The following RASAL2 variants were observed in gnomAD, a reference collection of about 807,000 sequenced individuals.
RASAL2 encodes ras GTPase-activating protein nGAP.
A neutral mutation model predicts 128.9 loss-of-function variants in RASAL2; 58 were observed. The ratio of observed to expected loss-of-function variants is 0.45; its 90% CI spans 0.36 to 0.56. The LOEUF (loss-of-function observed/expected upper bound fraction) is 0.56. Among genes scored for constraint, RASAL2 ranks in the 20% least tolerant of loss-of-function variants. The probability of loss-of-function intolerance (pLI) is 0.00; values close to 1 mark genes in which losing one functional copy is unlikely to be tolerated. For missense variants in RASAL2, 1,360 were observed against 1,601.6 expected (o/e 0.85, Z 2.57); for synonymous variants, 561 against 580.8 (o/e 0.97, Z 0.49).
Position 178,443,127 on chromosome 1 carries a change from C to T in RASAL2, c.1380C>T (p.Tyr460=), listed in dbSNP as rs1323169230. 3 of 1,613,702 alleles carry T rather than the reference C, an allele frequency of 1.9e-6. No individual in the cohort carries two copies. The highest frequency in any genetic ancestry group is 2.5e-6 in the Non-Finnish European group (3 of 1,179,764). The part of the protein sequence containing the change: ...KEFAEFVTSN[Y]TMLCSVLEPV... The stretch of plus-strand genomic sequence containing the variant: ...TTGCAGAATTTGTCACCAGCAACTA[C>T]ACCATGCTGTGTTCTGTCCTTGAGC... The change falls in exon 8 of 18, where the codon TAC becomes TAT. Residue 460 remains tyrosine, a synonymous_variant. Coordinates refer to ENST00000367649, the MANE Select transcript of RASAL2 (RefSeq NM_170692.4).
chr1:178,463,654 A>G (rs1475395696), intron 14 of RASAL2, among the ~76,000 whole-genome samples: 2 of 152,154 alleles, frequency 1.3e-5, no homozygotes, highest in Admixed American at 1.3e-4. Context: ...AACCAGCATC[A>G]CTTGTCCTTC....
intron 14 of RASAL2, 45 bp from the exon 15 acceptor site, chr1:178,464,233 C>A: frequency 1.3e-6 from 2 of 1,555,846 alleles, no homozygotes; most frequent in South Asian, 1.2e-5. Flanking sequence ...ACATAGCACA[C>A]GGGTGAGCTG....
intron 1 of RASAL2, among the ~76,000 whole-genome samples, chr1:178,133,743 A>T (rs1660208103): frequency 6.6e-6 from 1 of 152,200 alleles, no homozygotes; most frequent in Non-Finnish European, 1.5e-5. Flanking sequence ...TGAGGTTTAA[A>T]TAAGTCAAAC....
chr1:178,171,493 A>G lies in RASAL2; in HGVS notation c.202+76799A>G, dbSNP rs1040633619. 2.6e-5 allele frequency among the ~76,000 whole-genome samples: 4 copies of G among 151,982 alleles called. No individual in the cohort carries two copies. The East Asian group carries it at 5.8e-4, about 22-fold the overall frequency. On this transcript the variant is annotated intron_variant, in intron 1 of 17. Coordinates refer to ENST00000367649, the MANE Select transcript of RASAL2 (RefSeq NM_170692.4). ...CCCTAGTAGTTAGTAGTTTTGAGGG[A>G]AAAAAGGACTAACCATTTTGAAAGT...
chr1:178,253,471 A>G (rs1486223175), intron 1 of RASAL2, among the ~76,000 whole-genome samples: 3 of 152,098 alleles, frequency 2.0e-5, no homozygotes, highest in East Asian at 3.9e-4. Context: ...TTTTGAGTCA[A>G]TTGTCTGTAT....
At chr1:178,327,222 T>C (rs1669080899) in intron 3 of RASAL2, among the ~76,000 whole-genome samples, 1 of 152,178 alleles carries the variant, frequency 6.6e-6, no homozygotes, top group African/African-American at 2.4e-5. Flanking sequence ...CTAATATTCA[T>C]TTAGATTATA....
At chr1:178,316,726 GTCA>G (rs1364055433) in intron 3 of RASAL2, among the ~76,000 whole-genome samples, 1 of 86,430 alleles carries the variant, frequency 1.2e-5, no homozygotes, top group Non-Finnish European at 2.0e-5. Flanking sequence ...ATACAATCAT[GTCA>G]TCTGCAAACA....
chr1:178,454,497 A>G lies in RASAL2; in HGVS notation c.2060A>G (p.His687Arg), dbSNP rs533457685. The G allele has an allele frequency of 1.4e-4, 226 of 1,613,700 alleles. No homozygotes were observed. The highest frequency in any genetic ancestry group is 1.8e-4 in the Non-Finnish European group (212 of 1,179,642). The change falls in exon 12 of 18, where the codon CAT becomes CGT. Residue 687 changes from histidine (H) to arginine (R), a missense_variant. Transcript: ENST00000367649. Reference sequence around the variant, plus strand: ...GCATTCATGAATGATTTTTTAGAACATGAATGGGGTGGAATGAAGCGCTTT... The same window carrying G: ...GCATTCATGAATGATTTTTTAGAACGTGAATGGGGTGGAATGAAGCGCTTT... ...YMAFMNDFLEHEWGGMKRFLL... is the reference protein window; with the variant it reads ...YMAFMNDFLEREWGGMKRFLL...
At chr1:178,273,113 A>G (rs1450646385) in intron 1 of RASAL2, among the ~76,000 whole-genome samples, 2 of 152,198 alleles carry the variant, frequency 1.3e-5, no homozygotes, top group Non-Finnish European at 2.9e-5. Flanking sequence ...CTATGTTCCC[A>G]ATAGGATTGT....
At chr1:178,388,592 T>G (rs1269666222) in intron 3 of RASAL2, among the ~76,000 whole-genome samples, 1 of 152,220 alleles carries the variant, frequency 6.6e-6, no homozygotes, top group East Asian at 1.9e-4. Flanking sequence ...TGTTCCAATT[T>G]GGCTTGTGCC....
At chr1:178,431,098 A>G (rs1220967741) in intron 5 of RASAL2, among the ~76,000 whole-genome samples, 1 of 152,036 alleles carries the variant, frequency 6.6e-6, no homozygotes, top group Non-Finnish European at 1.5e-5. Flanking sequence ...TTGAATGAAA[A>G]CTTAAAAGCA....
At chr1:178,339,875 T>A (rs1669778484) in intron 3 of RASAL2, among the ~76,000 whole-genome samples, 1 of 152,130 alleles carries the variant, frequency 6.6e-6, no homozygotes, top group Admixed American at 6.5e-5. Flanking sequence ...AAGTGAATAA[T>A]AAGAAAAATT....
intron 1 of RASAL2, among the ~76,000 whole-genome samples, chr1:178,261,486 A>G (rs1052266883): frequency 6.6e-6 from 1 of 152,198 alleles, no homozygotes; most frequent in Non-Finnish European, 1.5e-5. Context: ...TAACACAAAC[A>G]AGTTTATATA....
chr1:178,413,816 T>TA (rs1236899602), intron 4 of RASAL2, among the ~76,000 whole-genome samples: 1 of 151,872 alleles, frequency 6.6e-6, no homozygotes, highest in Non-Finnish European at 1.5e-5. Flanking sequence ...ATAGAAATTA[T>TA]AAAAAAGAAC....
intron 3 of RASAL2, among the ~76,000 whole-genome samples, chr1:178,300,589 T>TCCAGC (rs886967087): frequency 6.6e-6 from 1 of 152,176 alleles, no homozygotes; most frequent in Non-Finnish European, 1.5e-5. Context: ...CTCATAAAAG[T>TCCAGC]CATATGCTGG....
Position 178,094,336 on chromosome 1 carries a change from G to T in RASAL2, c.-157G>T. 1 of 658,638 alleles carries T rather than the reference G, an allele frequency of 1.5e-6. No individual in the cohort carries two copies. Among genetic ancestry groups the T allele is most frequent in the Non-Finnish European group, 2.4e-6 (1 of 413,040 alleles). 40.8% of individuals were successfully genotyped at this position (658,638 alleles called of 1,614,324 possible). ...ATCGCCCGAGCCTCGGGCAGTGGGC[G>T]ACGGGGAAGGAGGTGAGAGGTGTCC... On this transcript the variant is annotated 5_prime_UTR_variant, in exon 1 of 18. Transcript: ENST00000367649.
chr1:178,260,899 T>C (rs1037750699), intron 1 of RASAL2, among the ~76,000 whole-genome samples: 1 of 152,192 alleles, frequency 6.6e-6, no homozygotes, highest in Non-Finnish European at 1.5e-5. Flanking sequence ...AGTTTGTTCT[T>C]GTTATTGTAC....
chr1:178,394,717 A>G (rs1000099143), intron 4 of RASAL2, among the ~76,000 whole-genome samples: 1 of 152,204 alleles, frequency 6.6e-6, no homozygotes, highest in African/African-American at 2.4e-5. Context: ...GAATTCAGGC[A>G]CCAAAAATTA....
rs1648722514 is a variant in RASAL2 at position 178,477,057 on chromosome 1, C to T, written c.*3818C>T. ...CCCAACACACACGCTTGACACCAGA[C>T]TAGACTTGTCACAGGGCCAAACCCA... On this transcript the variant is annotated 3_prime_UTR_variant, in exon 18 of 18. Coordinates refer to ENST00000367649, the MANE Select transcript of RASAL2 (RefSeq NM_170692.4). The T allele has an allele frequency of 6.5e-6, 1 of 152,722 alleles. No individual in the cohort carries two copies. The highest frequency in any genetic ancestry group is 6.5e-5 in the Admixed American group (1 of 15,278). The allele number at this position is 152,722 out of a possible 1,614,324, so 9.5% of individuals were successfully genotyped here.
Sources: gnomAD v4.1 joint callset for allele counts (sites outside exome capture counted in the v4.1 genomes callset) on GRCh38, gnomAD v4.1.1 for gene constraint, MANE v1.5 for transcripts, NCBI Gene and HGNC (gene_info 2026-07-23, HGNC 2026-07-21) for gene names.